Variants in EED observed in about 807,000 individuals in gnomAD.
The protein encoded by EED is polycomb protein EED.
Under a neutral mutation model 61.0 loss-of-function variants are expected in EED, and 9 were observed. The ratio of observed to expected loss-of-function variants is 0.15; its 90% CI spans 0.09 to 0.26. The LOEUF (loss-of-function observed/expected upper bound fraction) is 0.26, where lower values mean the gene tolerates loss of function less well. EED is among the 10% of genes least tolerant of loss of function. EED has a pLI of 1.00. For synonymous variants in EED, 187 were observed against 174.4 expected (o/e 1.07, Z -0.57); for missense variants, 315 against 542.3 (o/e 0.58, Z 4.16).
chr11:86,269,893 A>C (rs1471589689), intron 9 of EED, among the ~76,000 whole-genome samples: 1 of 152,164 alleles, frequency 6.6e-6, no homozygotes, highest in African/African-American at 2.4e-5. Context: ...TTATGTAACT[A>C]TCTATGGTAG....
At position 86,278,790 on chromosome 11, in the gene EED, A is replaced by C; in HGVS notation, c.*265A>C. On this transcript the variant is annotated 3_prime_UTR_variant, in exon 12 of 12. Transcript: ENST00000263360. Reference sequence around the variant, plus strand: ...TGGTGAAAAAAAGTTAAAAGTAATAAAATTATGCCTTATCTTTTTATAATG... The same window carrying C: ...TGGTGAAAAAAAGTTAAAAGTAATACAATTATGCCTTATCTTTTTATAATG... The C allele has an allele frequency of 3.2e-6, 1 of 310,230 alleles. No individual in the cohort carries two copies. Among genetic ancestry groups the C allele is most frequent in the Non-Finnish European group, 5.8e-6 (1 of 171,960 alleles). 19.2% of individuals were successfully genotyped at this position (310,230 alleles called of 1,614,324 possible).
At chr11:86,280,470 C>T (rs1946309887), downstream of EED, among the ~76,000 whole-genome samples, 1 of 152,108 alleles carries the variant, frequency 6.6e-6, no homozygotes. Flanking sequence ...TCCAGAGGCC[C>T]CAGTCACCAG....
At chr11:86,269,938 A>G (rs1946073249) in intron 9 of EED, 2 of 554,668 alleles carry the variant, frequency 3.6e-6, no homozygotes, top group Non-Finnish European at 6.4e-6. Flanking sequence ...GGGCTATTGC[A>G]AATAAAGCTG....
At chr11:86,257,080 C>T (rs535367552) in intron 5 of EED, among the ~76,000 whole-genome samples, 6 of 151,632 alleles carry the variant, frequency 4.0e-5, no homozygotes, top group Admixed American at 2.0e-4. Flanking sequence ...CTCCTTTGCC[C>T]GGGCTGGAAT....
downstream of EED, among the ~76,000 whole-genome samples, chr11:86,282,992 G>A (rs1377924137): frequency 6.6e-6 from 1 of 152,068 alleles, no homozygotes; most frequent in East Asian, 1.9e-4. Context: ...AAATTAGCCA[G>A]GCATGATGGT....
chr11:86,250,520 G>A (rs529558124), intron 2 of EED, 72 bp downstream of exon 2: 16 of 1,406,890 alleles, frequency 1.1e-5, no homozygotes, highest in Non-Finnish European at 3.7e-6. Flanking sequence ...CACGCATTTC[G>A]TACTCAGGAT....
chr11:86,256,094 A>G (rs1224012166), intron 4 of EED, among the ~76,000 whole-genome samples: 1 of 152,230 alleles, frequency 6.6e-6, no homozygotes, highest in African/African-American at 2.4e-5. Flanking sequence ...GAACACAACC[A>G]TGCCCATTCA....
chr11:86,248,939 G>A (rs1945458738), intron 1 of EED, among the ~76,000 whole-genome samples: 2 of 152,102 alleles, frequency 1.3e-5, no homozygotes, highest in Non-Finnish European at 2.9e-5. Context: ...ACTTGAGTCT[G>A]GGAGGTGGAG....
At chr11:86,272,406 C>T (rs7126840) in intron 9 of EED, among the ~76,000 whole-genome samples, 428 of 152,056 alleles carry the variant, frequency 2.8e-3, no homozygotes, top group African/African-American at 9.9e-3. Context: ...AAGATGGTAG[C>T]TTAGATTGTT....
At position 86,278,448 on chromosome 11, in the gene EED, A is replaced by G; in HGVS notation, c.1249A>G (p.Ser417Gly). ...ATGTGGTGCTGCTATTCGACAAACC[A>G]GTTTTAGCAGGGATAGCAGCATTCT... The part of the protein sequence containing the change: ...HKCGAAIRQT[S>G]FSRDSSILIA... Residue 417 changes from serine (S) to glycine (G), a missense_variant, in exon 12 of 12, where the codon AGT becomes GGT. Transcript: ENST00000263360. The G allele has an allele frequency of 6.2e-7, 1 of 1,613,662 alleles. No individual in the cohort carries two copies. The highest frequency in any genetic ancestry group is 8.5e-7 in the Non-Finnish European group (1 of 1,179,826).
Position 86,260,736 on chromosome 11 carries a change from A to C in EED, c.634+3140A>C, listed in dbSNP as rs540874774. 2.6e-5 allele frequency among the ~76,000 whole-genome samples: 4 copies of C among 152,304 alleles called. No individual in the cohort carries two copies. In the South Asian group the frequency reaches 8.3e-4, roughly 32 times the overall value. On this transcript the variant is annotated intron_variant, in intron 6 of 11. Transcript: ENST00000263360. ...CTTGTTCTGTGGGATAAAATTGCTT[A>C]TGTCAAATCTGTATTTTATTTCAAA... is the stretch of plus-strand genomic sequence containing the variant.
At chr11:86,284,159 A>T in the EED span, 1 of 152,226 alleles carries the variant, frequency 6.6e-6, no homozygotes, top group African/African-American at 2.4e-5. Flanking sequence ...TCCCTGTTGT[A>T]GCCTTTTGTG....
At chr11:86,247,888 C>G (rs1002279008) in intron 1 of EED, among the ~76,000 whole-genome samples, 11 of 152,198 alleles carry the variant, frequency 7.2e-5, no homozygotes, top group African/African-American at 2.7e-4. Context: ...ATTACAGGCA[C>G]ATATTTTACA....
rs547717613 is a variant in EED at position 86,245,175 on chromosome 11, G to T, written c.-55G>T. On this transcript the variant is annotated 5_prime_UTR_variant, in exon 1 of 12. Coordinates refer to ENST00000263360, the MANE Select transcript of EED (RefSeq NM_003797.5). ...GCTCGGGCCGGGCTTGCTTGACGGC[G>T]GTGTGGCGGAGGCCCCGCCCCAGGC... The T allele has an allele frequency of 2.4e-5, 35 of 1,452,348 alleles. No individual in the cohort carries two copies. Among genetic ancestry groups the T allele is most frequent in the Admixed American group, 2.0e-4 (11 of 54,658 alleles). 90.0% of individuals were successfully genotyped at this position (1,452,348 alleles called of 1,614,324 possible). A position where few individuals can be genotyped will look rare whatever the true frequency, so the allele number is the denominator to read the frequency against.
At chr11:86,260,276 A>G (rs1259240368) in intron 6 of EED, among the ~76,000 whole-genome samples, 3 of 152,080 alleles carry the variant, frequency 2.0e-5, no homozygotes, top group Non-Finnish European at 4.4e-5. Flanking sequence ...CAACCAGGCT[A>G]TAGTAGAGTG....
At chr11:86,276,830 A>G in intron 9 of EED, 150 bp from the exon 10 acceptor site, 1 of 515,072 alleles carries the variant, frequency 1.9e-6, no homozygotes, top group Non-Finnish European at 3.1e-6. Flanking sequence ...GACTGTAAAT[A>G]TAAATGAATG....
In EED at chr11:86,278,463, A is replaced by C; in HGVS notation, c.1264A>C (p.Ser422Arg). The C allele has an allele frequency of 6.2e-7, 1 of 1,613,708 alleles. No individual in the cohort carries two copies. The highest frequency in any genetic ancestry group is 8.5e-7 in the Non-Finnish European group (1 of 1,179,850). Residue 422 changes from serine (S) to arginine (R), a missense_variant, in exon 12 of 12, where the codon AGC becomes CGC. Around this residue, in one of 2 missense-constraint regions of EED, gnomAD observed 205 missense variants for 455.4 expected, o/e 0.45. Coordinates refer to ENST00000263360, the MANE Select transcript of EED (RefSeq NM_003797.5). ...AIRQTSFSRD[S>R]SILIAVCDDA... ...TCGACAAACCAGTTTTAGCAGGGAT[A>C]GCAGCATTCTTATAGCTGTTTGTGA...
In EED at chr11:86,255,133, TAGG is replaced by T. The variant is rs1383986319; in HGVS notation, c.361-87_361-85del. On this transcript the variant is annotated intron_variant, in intron 3 of 11. Coordinates refer to ENST00000263360, the MANE Select transcript of EED (RefSeq NM_003797.5). The stretch of plus-strand genomic sequence containing the variant: ...AGTAGTTTCTGTAGTATATTTAAGA[TAGG>T]ATTGCGATTAAAATATGTTTAAAAG... The T allele has an allele frequency of 3.0e-6, 3 of 1,014,288 alleles. No homozygotes were observed. In the African/African-American group the frequency reaches 4.8e-5, roughly 16 times the overall value. The allele number at this position is 1,014,288 out of a possible 1,614,324, so 62.8% of individuals were successfully genotyped here. A position where few individuals can be genotyped will look rare whatever the true frequency, so the allele number is the denominator to read the frequency against.
chr11:86,264,082 A>T, intron 6 of EED, 90 bp from the exon 7 acceptor site: 1 of 996,702 alleles, frequency 1.0e-6, no homozygotes. Flanking sequence ...CATAACTTAC[A>T]TCTAGACTTT....
Sources: allele counts gnomAD v4.1 joint callset (sites outside exome capture counted in the v4.1 genomes callset), GRCh38; gene constraint gnomAD v4.1.1; regional missense constraint gnomAD v4.1.1; transcripts MANE v1.5; gene names NCBI Gene and HGNC (gene_info 2026-07-23, HGNC 2026-07-21).